The following RANBP2 variants were observed in gnomAD, a reference collection of about 807,000 sequenced individuals.
RANBP2 encodes RAN binding protein 2.
Under a neutral mutation model 303.6 loss-of-function variants are expected in RANBP2, and 57 were observed. The ratio of observed to expected loss-of-function variants is 0.19; its 90% CI spans 0.15 to 0.23. The LOEUF (loss-of-function observed/expected upper bound fraction) is 0.23. Among genes scored for constraint, RANBP2 ranks in the 10% least tolerant of loss-of-function variants. RANBP2 has a pLI of 1.00. For missense variants in RANBP2, 3,138 were observed against 3,780.8 expected, an observed-to-expected ratio of 0.83 and a Z score of 4.46; for synonymous variants, 1,167 against 1,301.5, an observed-to-expected ratio of 0.90 and a Z score of 2.23.
the RANBP2 span, among the ~76,000 whole-genome samples, chr2:109,392,250 G>A: frequency 6.6e-6 from 1 of 152,118 alleles, no homozygotes; most frequent in Non-Finnish European, 1.5e-5. Flanking sequence ...AGAGGGGAAG[G>A]GCCTCCTCGT....
the RANBP2 span, among the ~76,000 whole-genome samples, chr2:109,153,227 A>G: frequency 1.3e-5 from 2 of 152,228 alleles, no homozygotes; most frequent in African/African-American, 4.8e-5. Flanking sequence ...GAATGAGTAC[A>G]TTCATTTCTA....
chr2:109,750,688 G>T, the RANBP2 span, among the ~76,000 whole-genome samples: 10 of 55,990 alleles, frequency 1.8e-4, 2 homozygotes, highest in South Asian at 7.8e-3. Flanking sequence ...CAGGTAAAAA[G>T]AATCACTACT....
chr2:109,098,138 G>A, the RANBP2 span, among the ~76,000 whole-genome samples: 1 of 152,204 alleles, frequency 6.6e-6, no homozygotes, highest in Non-Finnish European at 1.5e-5. Context: ...CAAGTGGAAG[G>A]AGGTGGAGAG....
chr2:109,349,737 C>T, the RANBP2 span, among the ~76,000 whole-genome samples: 8 of 152,212 alleles, frequency 5.3e-5, no homozygotes, highest in East Asian at 1.9e-4. Flanking sequence ...AACGGGCTGT[C>T]GCAGGGCCCT....
the RANBP2 span, among the ~76,000 whole-genome samples, chr2:109,357,050 C>T: frequency 2.1e-4 from 32 of 151,786 alleles, no homozygotes; most frequent in Middle Eastern, 0.01. Flanking sequence ...TAGACTGTTA[C>T]CTTTTTAAAA....
At chr2:109,468,946 C>T in the RANBP2 span, among the ~76,000 whole-genome samples, 1 of 150,696 alleles carries the variant, frequency 6.6e-6, no homozygotes, top group Admixed American at 6.6e-5. Context: ...GAACTGCCTT[C>T]CCAGTTAGTG....
At chr2:108,889,842 G>T in the RANBP2 span, among the ~76,000 whole-genome samples, 1 of 152,038 alleles carries the variant, frequency 6.6e-6, no homozygotes, top group Non-Finnish European at 1.5e-5. Context: ...TATATTCTTT[G>T]TTCCTTTCTT....
At chr2:109,537,583 G>A in the RANBP2 span, among the ~76,000 whole-genome samples, 3 of 151,866 alleles carry the variant, frequency 2.0e-5, no homozygotes, top group South Asian at 6.2e-4. Flanking sequence ...ACGTGTTCTT[G>A]GGGATGCATT....
chr2:109,526,163 T>C, the RANBP2 span, among the ~76,000 whole-genome samples: 1 of 152,144 alleles, frequency 6.6e-6, no homozygotes, highest in Non-Finnish European at 1.5e-5. Context: ...CCCTCTTTTG[T>C]CTCTCAGGAA....
the RANBP2 span, among the ~76,000 whole-genome samples, chr2:109,662,009 C>A: frequency 1.1e-4 from 17 of 152,148 alleles, no homozygotes; most frequent in Non-Finnish European, 1.9e-4. Context: ...GTTGAAGGCC[C>A]CAGCTACTGC....
chr2:109,517,561 C>T, the RANBP2 span, among the ~76,000 whole-genome samples: 7 of 152,202 alleles, frequency 4.6e-5, no homozygotes, highest in Non-Finnish European at 8.8e-5. Flanking sequence ...TGGCTGCACT[C>T]TGACGTTGGA....
At chr2:109,120,586 T>C in the RANBP2 span, among the ~76,000 whole-genome samples, 3 of 145,034 alleles carry the variant, frequency 2.1e-5, no homozygotes, top group African/African-American at 7.8e-5. Flanking sequence ...CCAGTTCACG[T>C]CCATCAAAAA....
the RANBP2 span, among the ~76,000 whole-genome samples, chr2:109,629,203 A>AAAATAAATAAGT: frequency 8.4e-6 from 1 of 118,416 alleles, no homozygotes; most frequent in South Asian, 3.0e-4. Context: ...CTCCGTCTCA[A>AAAATAAATAAGT]AAATAAATAA....
the RANBP2 span, among the ~76,000 whole-genome samples, chr2:108,814,147 G>A: frequency 6.6e-6 from 1 of 152,288 alleles, no homozygotes; most frequent in Non-Finnish European, 1.5e-5. Flanking sequence ...AAAGGTAGAT[G>A]TATGTTTTTA....
the RANBP2 span, among the ~76,000 whole-genome samples, chr2:109,272,946 A>G: frequency 2.7e-4 from 41 of 152,304 alleles, no homozygotes; most frequent in Admixed American, 2.0e-3. Flanking sequence ...AGGAATCACA[A>G]AGGACCCGTA....
chr2:109,625,240 G>A, the RANBP2 span, among the ~76,000 whole-genome samples: 1 of 152,026 alleles, frequency 6.6e-6, no homozygotes, highest in Non-Finnish European at 1.5e-5. Context: ...TATGTGCATA[G>A]GTATTTGTTG....
the RANBP2 span, among the ~76,000 whole-genome samples, chr2:109,314,006 G>A: frequency 6.6e-6 from 1 of 152,204 alleles, no homozygotes; most frequent in Non-Finnish European, 1.5e-5. Flanking sequence ...ACAAGAAGGA[G>A]TACCAGGCTG....
the RANBP2 span, among the ~76,000 whole-genome samples, chr2:109,020,667 G>C: frequency 6.6e-6 from 1 of 152,154 alleles, no homozygotes; most frequent in Non-Finnish European, 1.5e-5. Context: ...AACACCAGGA[G>C]GTCAGGGAGC....
chr2:109,514,522 G>A, the RANBP2 span, among the ~76,000 whole-genome samples: 1 of 152,328 alleles, frequency 6.6e-6, no homozygotes, highest in East Asian at 1.9e-4. Flanking sequence ...GAACCAGCCT[G>A]TGTGCAGGCC....
Sources: gnomAD v4.1 joint callset for allele counts (sites outside exome capture counted in the v4.1 genomes callset) on GRCh38, gnomAD v4.1.1 for gene constraint, MANE v1.5 for transcripts, NCBI Gene and HGNC (gene_info 2026-07-23, HGNC 2026-07-21) for gene names.